The following SMARCC1 variants were observed in gnomAD, a reference collection of about 807,000 sequenced individuals.
SMARCC1 encodes SWI/SNF related BAF chromatin remodeling complex subunit C1.
SMARCC1 carries 43 observed loss-of-function variants against 147.4 expected under a neutral mutation model. The ratio of observed to expected loss-of-function variants is 0.29; its 90% CI spans 0.23 to 0.38. SMARCC1 has a LOEUF of 0.38. Ranked by LOEUF, SMARCC1 falls within the 10% of genes least tolerant of loss-of-function variation. The pLI, the probability that SMARCC1 is intolerant of heterozygous loss-of-function variation, is 1.00. For missense variants in SMARCC1, 1,119 were observed against 1,381.1 expected, an observed-to-expected ratio of 0.81 and a Z score of 3.01; for synonymous variants, 495 against 484.4, an observed-to-expected ratio of 1.02 and a Z score of -0.29.
intron 19 of SMARCC1, among the ~76,000 whole-genome samples, chr3:47,668,641 T>C (rs191585133): frequency 2.6e-5 from 4 of 152,294 alleles, no homozygotes; most frequent in African/African-American, 7.2e-5. Flanking sequence ...GATAAATATT[T>C]GGAATGCTGC....
chr3:47,754,819 A>G (rs534020678), intron 2 of SMARCC1, among the ~76,000 whole-genome samples: 1 of 152,230 alleles, frequency 6.6e-6, no homozygotes, highest in Admixed American at 6.5e-5. Context: ...AAAACAAGCA[A>G]ACCACTGTAA....
At chr3:47,774,179 C>A (rs190113917) in intron 1 of SMARCC1, among the ~76,000 whole-genome samples, 1 of 150,904 alleles carries the variant, frequency 6.6e-6, no homozygotes, top group African/African-American at 2.4e-5. Context: ...AAAGGGCACA[C>A]AATTTCTGCT....
At chr3:47,703,256 G>C (rs1487229420) in intron 10 of SMARCC1, among the ~76,000 whole-genome samples, 1 of 152,174 alleles carries the variant, frequency 6.6e-6, no homozygotes, top group Non-Finnish European at 1.5e-5. Context: ...TTAATGCTAA[G>C]CCGGGCATGG....
At position 47,709,623 on chromosome 3, in the gene SMARCC1, T is replaced by A. The variant is rs183069974; in HGVS notation, c.918+1060A>T. Among the ~76,000 whole-genome samples, 201 of 151,920 alleles carry A rather than the reference T, an allele frequency of 1.3e-3. 4 individuals carry two copies. In the South Asian group the frequency reaches 0.04, roughly 30 times the overall value. On this transcript the variant is annotated intron_variant, in intron 9 of 27. Coordinates refer to ENST00000254480, the MANE Select transcript of SMARCC1 (RefSeq NM_003074.4). ...ATAGCTTGAACCCAGCAGGTGGAGG[T>A]TGCAGTGAGCCGAGATCGCGCCACT... is the stretch of plus-strand genomic sequence containing the variant.
intron 2 of SMARCC1, among the ~76,000 whole-genome samples, chr3:47,750,095 A>AG (rs1342687443): frequency 2.0e-5 from 3 of 151,736 alleles, no homozygotes; most frequent in Non-Finnish European, 4.4e-5. Flanking sequence ...AAAAAAAAAA[A>AG]GAAAATGCAC....
chr3:47,697,302 CTT>C (rs763264887), intron 11 of SMARCC1, among the ~76,000 whole-genome samples: 22 of 134,336 alleles, frequency 1.6e-4, no homozygotes, highest in Admixed American at 2.2e-4. Flanking sequence ...GAGATCCTGA[CTT>C]TTTTTTTTTT....
At chr3:47,680,312 A>T in intron 15 of SMARCC1, 125 bp downstream of exon 15, 4 of 728,716 alleles carry the variant, frequency 5.5e-6, no homozygotes, top group Non-Finnish European at 7.4e-6. Flanking sequence ...ATGAGATATG[A>T]ACACTGTTCT....
intron 2 of SMARCC1, among the ~76,000 whole-genome samples, chr3:47,754,593 C>T (rs1198449621): frequency 6.6e-6 from 1 of 152,080 alleles, no homozygotes; most frequent in Non-Finnish European, 1.5e-5. Context: ...CACTCTACCA[C>T]TATAAACATG....
chr3:47,662,647 ATAT>A, intron 19 of SMARCC1, 55 bp from the exon 20 acceptor site: 1 of 1,467,766 alleles, frequency 6.8e-7, no homozygotes, highest in Non-Finnish European at 9.4e-7. Flanking sequence ...GTAATGTGTA[ATAT>A]TAGAAGTTCT....
intron 18 of SMARCC1, among the ~76,000 whole-genome samples, chr3:47,672,292 G>A (rs535964859): frequency 1.3e-4 from 20 of 151,866 alleles, no homozygotes; most frequent in African/African-American, 4.1e-4. Flanking sequence ...TTGGCTCACC[G>A]CAAGCTCCGC....
At chr3:47,749,670 A>AACACAC (rs1328820771) in intron 2 of SMARCC1, among the ~76,000 whole-genome samples, 15 of 92,408 alleles carry the variant, frequency 1.6e-4, no homozygotes, top group African/African-American at 2.3e-4. Flanking sequence ...CTCTAAATTA[A>AACACAC]ACACACACAC....
At chr3:47,689,355 C>G in intron 13 of SMARCC1, 32 bp downstream of exon 13, 1 of 1,582,794 alleles carries the variant, frequency 6.3e-7, no homozygotes, top group Non-Finnish European at 8.7e-7. Flanking sequence ...CTTAGAGAAG[C>G]TCTCTCACAC....
chr3:47,611,813 G>C lies in SMARCC1; in HGVS notation c.2782-1486C>G, dbSNP rs537166103. 2.2e-4 allele frequency among the ~76,000 whole-genome samples: 33 copies of C among 152,314 alleles called. No individual in the cohort carries two copies. In the South Asian group the frequency reaches 6.0e-3, roughly 28 times the overall value. On this transcript the variant is annotated intron_variant, in intron 25 of 27. Transcript: ENST00000254480. ...GTATTTCCATGGACAGATGGGGTGT[G>C]GGAAGACAGGCCATGAACACAGTAT...
intron 2 of SMARCC1, among the ~76,000 whole-genome samples, chr3:47,757,110 G>T (rs1275133962): frequency 6.6e-6 from 1 of 152,088 alleles, no homozygotes; most frequent in African/African-American, 2.4e-5. Context: ...AATTATCCGG[G>T]TGTGGTGGTG....
chr3:47,598,842 AAAAAAAAAAG>A (rs1226425178), intron 26 of SMARCC1, among the ~76,000 whole-genome samples: 2 of 141,184 alleles, frequency 1.4e-5, no homozygotes, highest in African/African-American at 2.7e-5. Context: ...AAAAAAAAAA[AAAAAAAAAAG>A]AGAGAGAGAG....
At chr3:47,629,268 C>T (rs182667024) in intron 24 of SMARCC1, among the ~76,000 whole-genome samples, 1 of 152,266 alleles carries the variant, frequency 6.6e-6, no homozygotes, top group East Asian at 1.9e-4. Flanking sequence ...ATAGGAACCA[C>T]TCCTAAAGAG....
intron 19 of SMARCC1, among the ~76,000 whole-genome samples, chr3:47,666,204 C>T (rs2033418031): frequency 6.6e-6 from 1 of 152,142 alleles, no homozygotes; most frequent in African/African-American, 2.4e-5. Context: ...ACCATTTGTT[C>T]TGCACTGGAA....
chr3:47,663,726 A>G lies in SMARCC1; in HGVS notation c.1900-1134T>C, dbSNP rs1322387061. 2.7e-6 allele frequency: 4 copies of G among 1,504,932 alleles called. No homozygotes were observed. In the African/African-American group the frequency reaches 5.5e-5, roughly 21 times the overall value. 93.2% of individuals were successfully genotyped at this position (1,504,932 alleles called of 1,614,324 possible). On this transcript the variant is annotated intron_variant, in intron 19 of 27. Coordinates refer to ENST00000254480, the MANE Select transcript of SMARCC1 (RefSeq NM_003074.4). Reference sequence around the variant, plus strand: ...AGGAATCCAGAGAGTTTCAAGGAAAAGTTCCTTCACAAGACCCACGAGAAC... The same window carrying G: ...AGGAATCCAGAGAGTTTCAAGGAAAGGTTCCTTCACAAGACCCACGAGAAC...
intron 21 of SMARCC1, among the ~76,000 whole-genome samples, chr3:47,650,366 A>G (rs1379752989): frequency 6.6e-6 from 1 of 150,718 alleles, no homozygotes; most frequent in African/African-American, 2.4e-5. Context: ...ATAAATATCA[A>G]AAAGTTGAAC....
Sources: allele counts gnomAD v4.1 joint callset (sites outside exome capture counted in the v4.1 genomes callset), GRCh38; gene constraint gnomAD v4.1.1; transcripts MANE v1.5; gene names NCBI Gene and HGNC (gene_info 2026-07-23, HGNC 2026-07-21).